NCKAP5: variants seen among roughly 807,000 people sequenced by gnomAD.
The protein encoded by NCKAP5 is NCK associated protein 5.
Under a neutral mutation model 167.0 loss-of-function variants are expected in NCKAP5, and 92 were observed. The ratio of observed to expected loss-of-function variants is 0.55; its 90% CI spans 0.47 to 0.66. The LOEUF (loss-of-function observed/expected upper bound fraction) is 0.66, where lower values mean the gene tolerates loss of function less well. Among genes scored for constraint, NCKAP5 ranks in the 30% least tolerant of loss-of-function variants. The probability of loss-of-function intolerance (pLI) is 0.00; values close to 1 mark genes in which losing one functional copy is unlikely to be tolerated. For synonymous variants in NCKAP5, 891 were observed against 877.4 expected, an observed-to-expected ratio of 1.02 and a Z score of -0.27; for missense variants, 2,378 against 2,315.0, an observed-to-expected ratio of 1.03 and a Z score of -0.56.
intron 3 of NCKAP5, among the ~76,000 whole-genome samples, chr2:133,509,769 A>G (rs1424106273): frequency 6.6e-6 from 1 of 152,184 alleles, no homozygotes; most frequent in African/African-American, 2.4e-5. Context: ...ACGTCCTACA[A>G]TACACAGGAC....
At position 133,320,737 on chromosome 2, in the gene NCKAP5, C is replaced by A. The variant is rs868490569; in HGVS notation, c.70-17627G>T. Among the ~76,000 whole-genome samples, 20 of 150,584 alleles carry A rather than the reference C, an allele frequency of 1.3e-4. 2 individuals are homozygous for A. The highest frequency in any genetic ancestry group is 3.4e-3 in the Middle Eastern group (1 of 294). Reference sequence around the variant, plus strand: ...TCAAATAAACAACAAAACAAACAAACAAAAAAAAAGAAAAGAAAAAGGCCC... The same window carrying A: ...TCAAATAAACAACAAAACAAACAAAAAAAAAAAAAGAAAAGAAAAAGGCCC... On this transcript the variant is annotated intron_variant, in intron 3 of 19. Transcript: ENST00000409261.
the NCKAP5 span, among the ~76,000 whole-genome samples, chr2:133,647,531 G>GGAAAC: frequency 8.5e-6 from 1 of 117,328 alleles, no homozygotes; most frequent in African/African-American, 3.4e-5. Flanking sequence ...GGAAAGGAAA[G>GGAAAC]GAAAGGAGGG....
chr2:132,758,123 T>C (rs546537299), intron 16 of NCKAP5, among the ~76,000 whole-genome samples: 13 of 152,366 alleles, frequency 8.5e-5, no homozygotes, highest in African/African-American at 3.1e-4. Context: ...GTTAGCCTCC[T>C]GTCTCCTCAT....
At position 133,224,750 on chromosome 2, in the gene NCKAP5, C is replaced by G. The variant is rs575819199; in HGVS notation, c.144-10971G>C. Among the ~76,000 whole-genome samples, 7 of 152,230 alleles carry G rather than the reference C, an allele frequency of 4.6e-5. No homozygotes were observed. In the South Asian group the frequency reaches 1.5e-3, roughly 32 times the overall value. On this transcript the variant is annotated intron_variant, in intron 4 of 19. Transcript: ENST00000409261. Reference sequence around the variant, plus strand: ...GAGTGAAATCCCAAAGCACTCCTACCTAAAATGTTTCTAAAATACATATTA... The same window carrying G: ...GAGTGAAATCCCAAAGCACTCCTACGTAAAATGTTTCTAAAATACATATTA...
chr2:132,924,288 A>G (rs1252308233), intron 8 of NCKAP5, among the ~76,000 whole-genome samples: 1 of 152,078 alleles, frequency 6.6e-6, no homozygotes, highest in Admixed American at 6.6e-5. Flanking sequence ...CTTGTGCTGT[A>G]CTCTGGGCCC....
chr2:132,902,122 CA>C (rs1263671708), intron 8 of NCKAP5, among the ~76,000 whole-genome samples: 2 of 152,138 alleles, frequency 1.3e-5, no homozygotes, highest in Non-Finnish European at 2.9e-5. Flanking sequence ...GATTTTACAG[CA>C]CCAAAGTAAA....
chr2:133,082,616 T>C (rs1480341701), intron 6 of NCKAP5, among the ~76,000 whole-genome samples: 2 of 152,110 alleles, frequency 1.3e-5, no homozygotes, highest in East Asian at 3.9e-4. Flanking sequence ...AGCTGGGCAT[T>C]GTATCCCTGG....
chr2:133,587,971 TTAA>T, the NCKAP5 span, among the ~76,000 whole-genome samples: 1 of 152,104 alleles, frequency 6.6e-6, no homozygotes, highest in African/African-American at 2.4e-5. Context: ...TTTAATCAGT[TTAA>T]TGAGTCCAGC....
chr2:133,346,210 C>CA (rs1683967165), intron 3 of NCKAP5, among the ~76,000 whole-genome samples: 1 of 152,122 alleles, frequency 6.6e-6, no homozygotes, highest in Non-Finnish European at 1.5e-5. Flanking sequence ...CCCTCAAATC[C>CA]AAGCCATGAA....
At chr2:133,199,534 T>G (rs760804248) in intron 5 of NCKAP5, among the ~76,000 whole-genome samples, 1 of 152,022 alleles carries the variant, frequency 6.6e-6, no homozygotes, top group Non-Finnish European at 1.5e-5. Flanking sequence ...TAAATACATA[T>G]CAATTACACT....
intron 4 of NCKAP5, among the ~76,000 whole-genome samples, chr2:133,254,281 T>C (rs2088504562): frequency 6.6e-6 from 1 of 152,202 alleles, no homozygotes; most frequent in Non-Finnish European, 1.5e-5. Context: ...TAAGTAGTCC[T>C]GCTAGAGAGA....
Position 132,875,100 on chromosome 2 carries a change from T to C in NCKAP5, c.648+3748A>G, listed in dbSNP as rs118179618. 9.7e-4 allele frequency among the ~76,000 whole-genome samples: 148 copies of C among 152,236 alleles called. 5 individuals carry two copies. In the East Asian group the frequency reaches 0.027, roughly 28 times the overall value. ...ACAGCACAGCATTCAGATAATCTAA[T>C]TGTGGTGTTCTTAACCCCAGGTGAA... On this transcript the variant is annotated intron_variant, in intron 9 of 19. Transcript: ENST00000409261.
At chr2:133,646,181 C>G in the NCKAP5 span, among the ~76,000 whole-genome samples, 1 of 151,874 alleles carries the variant, frequency 6.6e-6, no homozygotes, top group Admixed American at 6.6e-5. Flanking sequence ...AAGGTACAGA[C>G]AGATTAATGG....
chr2:133,401,973 C>T (rs1262638479), intron 3 of NCKAP5, among the ~76,000 whole-genome samples: 2 of 152,146 alleles, frequency 1.3e-5, no homozygotes, highest in Non-Finnish European at 2.9e-5. Flanking sequence ...CATGATCTCT[C>T]GAGATTCAGC....
intron 2 of NCKAP5, among the ~76,000 whole-genome samples, chr2:133,544,186 T>C (rs576793995): frequency 1.3e-5 from 2 of 152,244 alleles, no homozygotes; most frequent in Non-Finnish European, 2.9e-5. Flanking sequence ...TTACCTTTGG[T>C]TACCTCAGGT....
intron 19 of NCKAP5, among the ~76,000 whole-genome samples, chr2:132,676,781 G>A (rs1684552811): frequency 6.6e-6 from 1 of 152,120 alleles, no homozygotes; most frequent in Admixed American, 6.6e-5. Context: ...TAAGCATAGT[G>A]CATAGATTAT....
Position 133,241,659 on chromosome 2 carries a change from C to A in NCKAP5, c.144-27880G>T, listed in dbSNP as rs541902467. On this transcript the variant is annotated intron_variant, in intron 4 of 19. Coordinates refer to ENST00000409261, the MANE Select transcript of NCKAP5 (RefSeq NM_207363.3). Reference sequence around the variant, plus strand: ...TCCTCTTCTATTTTCATCTACTCTGCCACATAACTCTTCCTCACCAGTGGC... The same window carrying A: ...TCCTCTTCTATTTTCATCTACTCTGACACATAACTCTTCCTCACCAGTGGC... 1.7e-3 allele frequency among the ~76,000 whole-genome samples: 266 copies of A among 152,198 alleles called. 1 individual carries two copies. The highest frequency in any genetic ancestry group is 6.1e-3 in the African/African-American group (254 of 41,518).
intron 4 of NCKAP5, among the ~76,000 whole-genome samples, chr2:133,221,042 C>T (rs908882969): frequency 6.7e-6 from 1 of 150,160 alleles, no homozygotes; most frequent in Admixed American, 6.6e-5. Context: ...ATATATGCAA[C>T]GCACTTAAAA....
intron 3 of NCKAP5, among the ~76,000 whole-genome samples, chr2:133,395,537 A>C (rs935027538): frequency 6.6e-6 from 1 of 152,206 alleles, no homozygotes; most frequent in Admixed American, 6.5e-5. Flanking sequence ...AATTCTTGGA[A>C]TTATCAGAAC....
Sources: gnomAD v4.1 joint callset for allele counts (sites outside exome capture counted in the v4.1 genomes callset) on GRCh38, gnomAD v4.1.1 for gene constraint, MANE v1.5 for transcripts, NCBI Gene and HGNC (gene_info 2026-07-23, HGNC 2026-07-21) for gene names.